The following OTUD3 variants were observed in gnomAD, a reference collection of about 807,000 sequenced individuals.
The protein encoded by OTUD3 is OTU deubiquitinase 3.
In OTUD3, 24 loss-of-function variants were observed where a neutral mutation model predicts 46.2. That is an observed-to-expected ratio of 0.52 (90% CI 0.38 to 0.73). The LOEUF (loss-of-function observed/expected upper bound fraction) is 0.73, where lower values mean the gene tolerates loss of function less well. Among genes scored for constraint, OTUD3 ranks in the 30% least tolerant of loss-of-function variants. The probability of loss-of-function intolerance (pLI) is 0.00; values close to 1 mark genes in which losing one functional copy is unlikely to be tolerated. For synonymous variants in OTUD3, 189 were observed against 195.4 expected (o/e 0.97, Z 0.27); for missense variants, 455 against 523.3 (o/e 0.87, Z 1.27).
intron 7 of OTUD3, chr1:19,906,914 G>A (rs754126290): frequency 9.4e-6 from 2 of 213,790 alleles, no homozygotes; most frequent in Non-Finnish European, 1.9e-5. Context: ...GTTTATCCAT[G>A]TTTTTTATAA....
At position 19,891,234 on chromosome 1, in the gene OTUD3, A is replaced by G. The variant is rs150562337; in HGVS notation, c.370+701A>G. ...CAGTTAGTGATTTTAATTGGTTCCT[A>G]TTTAATAGGCATAGATCTTATAGAA... On this transcript the variant is annotated intron_variant, in intron 2 of 7. Coordinates refer to ENST00000375120, the MANE Select transcript of OTUD3 (RefSeq NM_015207.2). Among the ~76,000 whole-genome samples the G allele has an allele frequency of 4.1e-3, 631 of 152,352 alleles. 5 individuals carry two copies. The highest frequency in any genetic ancestry group is 6.5e-3 in the Non-Finnish European group (441 of 68,032).
At chr1:19,902,213 GT>G (rs1379979456) in intron 4 of OTUD3, among the ~76,000 whole-genome samples, 1 of 151,912 alleles carries the variant, frequency 6.6e-6, no homozygotes, top group Non-Finnish European at 1.5e-5. Flanking sequence ...GTATCTTAAA[GT>G]TTTTTTTCGA....
In OTUD3 at chr1:19,911,072, C is replaced by T. The variant is rs1280955098; in HGVS notation, c.*3326C>T. 3 of 152,280 alleles carry T rather than the reference C, an allele frequency of 2.0e-5. No homozygotes were observed. Among genetic ancestry groups the T allele is most frequent in the Admixed American group, 2.0e-4 (3 of 15,278 alleles). The allele number at this position is 152,280 out of a possible 1,614,324, so 9.4% of individuals were successfully genotyped here. The stretch of plus-strand genomic sequence containing the variant: ...AACTTGGATTCCTAGTCAGAGGTGA[C>T]TAAAAGTTACCCTGACCAAAAGGAT... On this transcript the variant is annotated 3_prime_UTR_variant, in exon 8 of 8. Coordinates refer to ENST00000375120, the MANE Select transcript of OTUD3 (RefSeq NM_015207.2).
rs528871946 is a variant in OTUD3 at position 19,907,783 on chromosome 1, A to C, written c.*37A>C. 1 of 1,601,220 alleles carries C rather than the reference A, an allele frequency of 6.2e-7. No homozygotes were observed. Among genetic ancestry groups the C allele is most frequent in the East Asian group, 2.2e-5 (1 of 44,738 alleles). On this transcript the variant is annotated 3_prime_UTR_variant, in exon 8 of 8. Transcript: ENST00000375120. ...CTTGGGAGTTGTAAGAAGCGGCTGG[A>C]AAAGGATTGCTGTGTGCTAGACTTT... is the stretch of plus-strand genomic sequence containing the variant.
chr1:19,882,418 C>G lies in OTUD3; in HGVS notation c.-96C>G, dbSNP rs1208952854. On this transcript the variant is annotated 5_prime_UTR_variant, in exon 1 of 8. Coordinates refer to ENST00000375120, the MANE Select transcript of OTUD3 (RefSeq NM_015207.2). ...TTGCTGCGTAGTCGTCGCCGGGCTC[C>G]GTTGCCCGCGCTGTTTTACCTTCCC... is the stretch of plus-strand genomic sequence containing the variant. The G allele has an allele frequency of 6.2e-6, 8 of 1,298,628 alleles. No homozygotes were observed. Among genetic ancestry groups the G allele is most frequent in the Admixed American group, 8.4e-5 (2 of 23,844 alleles). 80.4% of individuals were successfully genotyped at this position (1,298,628 alleles called of 1,614,324 possible). A position where few individuals can be genotyped will look rare whatever the true frequency, so the allele number is the denominator to read the frequency against.
intron 1 of OTUD3, among the ~76,000 whole-genome samples, chr1:19,886,064 C>G (rs1477014512): frequency 1.3e-5 from 2 of 152,130 alleles, no homozygotes; most frequent in African/African-American, 4.8e-5. Flanking sequence ...GCTTCCTGGA[C>G]CAGCTTCATA....
intron 4 of OTUD3, among the ~76,000 whole-genome samples, chr1:19,898,813 A>C (rs1393277982): frequency 6.6e-6 from 1 of 151,748 alleles, no homozygotes; most frequent in Non-Finnish European, 1.5e-5. Context: ...TTTTTAAACA[A>C]TTTTATTTAT....
intron 7 of OTUD3, 157 bp downstream of exon 7, chr1:19,906,773 T>C (rs2045667582): frequency 1.5e-6 from 1 of 650,698 alleles, no homozygotes. Flanking sequence ...AGAAGCAGAA[T>C]GACCTCACTT....
chr1:19,903,040 C>CTTTTTT (rs36114504), intron 4 of OTUD3, among the ~76,000 whole-genome samples: 48 of 57,940 alleles, frequency 8.3e-4, no homozygotes, highest in Non-Finnish European at 9.4e-4. Flanking sequence ...AATCTTTTCT[C>CTTTTTT]TTTTTTTTTT....
intron 4 of OTUD3, among the ~76,000 whole-genome samples, chr1:19,900,667 T>C (rs542117178): frequency 1.3e-5 from 2 of 152,308 alleles, no homozygotes; most frequent in African/African-American, 4.8e-5. Flanking sequence ...TTTCTTTCCA[T>C]ATACTAAATT....
At chr1:19,906,141 A>G (rs2045658545) in intron 6 of OTUD3, among the ~76,000 whole-genome samples, 1 of 152,268 alleles carries the variant, frequency 6.6e-6, no homozygotes, top group Non-Finnish European at 1.5e-5. Context: ...TGCAAATGAA[A>G]GATTTTCCCA....
chr1:19,906,383 T>A, intron 6 of OTUD3, 49 bp from the exon 7 acceptor site: 1 of 1,556,054 alleles, frequency 6.4e-7, no homozygotes, highest in African/African-American at 1.4e-5. Flanking sequence ...GTCATCACCC[T>A]GTGTAACTCT....
At chr1:19,890,972 A>G (rs946666301) in intron 2 of OTUD3, among the ~76,000 whole-genome samples, 1 of 152,248 alleles carries the variant, frequency 6.6e-6, no homozygotes, top group African/African-American at 2.4e-5. Flanking sequence ...AGATAATAAT[A>G]GCATCTATCT....
rs2045288960 is a variant in OTUD3 at position 19,882,770 on chromosome 1, G to C, written c.221+36G>C. 5 of 1,273,724 alleles carry C rather than the reference G, an allele frequency of 3.9e-6. No homozygotes were observed. In the Admixed American group the frequency reaches 2.1e-4, roughly 54 times the overall value. The allele number at this position is 1,273,724 out of a possible 1,614,324, so 78.9% of individuals were successfully genotyped here. A position where few individuals can be genotyped will look rare whatever the true frequency, so the allele number is the denominator to read the frequency against. The stretch of plus-strand genomic sequence containing the variant: ...CCGGGAGCGAGGGAGGCGGCGCCGG[G>C]GGACGCGCCGGGCTCGGCCTGGCGA... On this transcript the variant is annotated intron_variant, in intron 1 of 7. Transcript: ENST00000375120.
chr1:19,893,258 C>T (rs1426964078), intron 2 of OTUD3, among the ~76,000 whole-genome samples: 1 of 152,182 alleles, frequency 6.6e-6, no homozygotes, highest in African/African-American at 2.4e-5. Flanking sequence ...GTTGGGGTCT[C>T]CCAGAACCTC....
intron 4 of OTUD3, among the ~76,000 whole-genome samples, chr1:19,901,082 G>T (rs1422842393): frequency 6.6e-6 from 1 of 151,874 alleles, no homozygotes; most frequent in African/African-American, 2.4e-5. Context: ...GCTAATGTTT[G>T]TATTTTTAGT....
At chr1:19,899,737 G>A (rs144341283) in intron 4 of OTUD3, among the ~76,000 whole-genome samples, 1 of 152,244 alleles carries the variant, frequency 6.6e-6, no homozygotes, top group African/African-American at 2.4e-5. Context: ...TTTCCTGCAC[G>A]GTGCACTTCG....
intron 1 of OTUD3, among the ~76,000 whole-genome samples, chr1:19,887,002 A>G (rs1557673380): frequency 6.6e-6 from 1 of 152,248 alleles, no homozygotes; most frequent in Non-Finnish European, 1.5e-5. Context: ...ATTTTATTTA[A>G]GCTATTGTAT....
chr1:19,904,203 T>TTA (rs765679785), intron 4 of OTUD3, 64 bp from the exon 5 acceptor site: 99 of 1,344,450 alleles, frequency 7.4e-5, no homozygotes, highest in Non-Finnish European at 9.3e-5. Flanking sequence ...GTGTCTTGTG[T>TTA]TAAAGATTCT....
Sources: allele counts gnomAD v4.1 joint callset (sites outside exome capture counted in the v4.1 genomes callset), GRCh38; gene constraint gnomAD v4.1.1; transcripts MANE v1.5; gene names NCBI Gene and HGNC (gene_info 2026-07-23, HGNC 2026-07-21).